Variants in DAB2IP observed in about 807,000 individuals in gnomAD.
DAB2IP encodes disabled homolog 2-interacting protein.
In DAB2IP, 28 loss-of-function variants were observed where a neutral mutation model predicts 107.2. The ratio of observed to expected loss-of-function variants is 0.26; its 90% CI spans 0.19 to 0.36. The LOEUF (loss-of-function observed/expected upper bound fraction) is 0.36. DAB2IP is among the 10% of genes least tolerant of loss of function. The pLI is 1.00. For synonymous variants in DAB2IP, 755 were observed against 706.4 expected (o/e 1.07, Z -1.09); for missense variants, 1,400 against 1,644.7 (o/e 0.85, Z 2.57).
chr9:121,580,248 G>A (rs1429686660), intron 1 of DAB2IP, among the ~76,000 whole-genome samples: 3 of 152,158 alleles, frequency 2.0e-5, no homozygotes, highest in African/African-American at 4.8e-5. Flanking sequence ...GGGGAAGCAC[G>A]CACCCAGGGA....
At chr9:121,694,139 G>A (rs1165557699) in intron 2 of DAB2IP, among the ~76,000 whole-genome samples, 3 of 152,168 alleles carry the variant, frequency 2.0e-5, no homozygotes, top group Non-Finnish European at 4.4e-5. Context: ...GGTCCTTGAG[G>A]CCTAGTACAG....
intron 3 of DAB2IP, among the ~76,000 whole-genome samples, chr9:121,711,520 T>G (rs1474188079): frequency 6.6e-6 from 1 of 152,214 alleles, no homozygotes; most frequent in Non-Finnish European, 1.5e-5. Flanking sequence ...GGAGCAGCTG[T>G]TAACATCTGT....
At chr9:121,716,624 C>T (rs1017128607) in intron 3 of DAB2IP, among the ~76,000 whole-genome samples, 4 of 152,178 alleles carry the variant, frequency 2.6e-5, no homozygotes, top group African/African-American at 9.6e-5. Context: ...TCCCAGCACC[C>T]CAGTGTGCTG....
intron 8 of DAB2IP, among the ~76,000 whole-genome samples, chr9:121,764,427 A>C (rs756312525): frequency 1.3e-5 from 2 of 152,264 alleles, no homozygotes; most frequent in African/African-American, 2.4e-5. Context: ...TGGGCTGCTT[A>C]GACAGGCCCC....
chr9:121,738,886 A>G (rs1332409178), intron 3 of DAB2IP, among the ~76,000 whole-genome samples: 1 of 152,236 alleles, frequency 6.6e-6, no homozygotes, highest in Non-Finnish European at 1.5e-5. Flanking sequence ...GCTTGGCCAC[A>G]CACAGCTTAC....
chr9:121,578,314 CCTCT>C (rs895598998), intron 1 of DAB2IP, among the ~76,000 whole-genome samples: 6 of 151,028 alleles, frequency 4.0e-5, no homozygotes, highest in African/African-American at 1.5e-4. Flanking sequence ...TGTATCTCTG[CCTCT>C]CTCTCTCTCT....
At chr9:121,784,310 G>T (rs1835856008) in exon 16 of DAB2IP, 1 of 153,570 alleles carries the variant, frequency 6.5e-6, no homozygotes, top group African/African-American at 2.4e-5. Context: ...CACAGGCAGG[G>T]CCTGGCTCCA....
chr9:121,783,152 C>T, exon 16 of DAB2IP: 1 of 1,087,628 alleles, frequency 9.2e-7, no homozygotes, highest in Non-Finnish European at 1.1e-6. Context: ...GAACCTGTCC[C>T]CAGAGCACCA....
intron 15 of DAB2IP, 100 bp downstream of exon 15, chr9:121,781,651 A>T: frequency 8.3e-7 from 1 of 1,210,970 alleles, no homozygotes; most frequent in Non-Finnish European, 1.2e-6. Context: ...CACTGCAGAC[A>T]CTGAGGGGAA....
intron 3 of DAB2IP, among the ~76,000 whole-genome samples, chr9:121,718,753 G>A (rs777014452): frequency 1.3e-5 from 2 of 152,232 alleles, no homozygotes; most frequent in Non-Finnish European, 2.9e-5. Flanking sequence ...AGTTAACCGG[G>A]ATTGTGTCAT....
chr9:121,749,641 G>A (rs867648840), intron 3 of DAB2IP, among the ~76,000 whole-genome samples: 15 of 152,346 alleles, frequency 9.8e-5, no homozygotes, highest in Middle Eastern at 6.8e-3. Context: ...AGGGGCTAAA[G>A]GGGCCTCCTC....
At chr9:121,590,063 C>G (rs987509965) in intron 1 of DAB2IP, among the ~76,000 whole-genome samples, 19 of 151,464 alleles carry the variant, frequency 1.3e-4, no homozygotes, top group Non-Finnish European at 2.6e-4. Context: ...GGATGTGTCC[C>G]CTCAGAACAG....
chr9:121,662,055 A>C lies in DAB2IP; in HGVS notation c.124+10156A>C, dbSNP rs1254176581. Reference sequence around the variant, plus strand: ...AATATCTATTACAGAACAGAAGAAAATAAAAATCACCTTTAATCCAGCACC... The same window carrying C: ...AATATCTATTACAGAACAGAAGAAACTAAAAATCACCTTTAATCCAGCACC... On this transcript the variant is annotated intron_variant, in intron 1 of 15. Transcript: ENST00000408936. The surrounding 1 kb of genome is among the most constrained non-coding windows in gnomAD (Gnocchi z 4.6). 6.6e-6 allele frequency among the ~76,000 whole-genome samples: 1 copy of C among 152,158 alleles called. No individual in the cohort carries two copies. The highest frequency in any genetic ancestry group is 1.5e-5 in the Non-Finnish European group (1 of 68,032).
At chr9:121,679,448 ACAC>A (rs1275103661) in intron 2 of DAB2IP, among the ~76,000 whole-genome samples, 19 of 151,338 alleles carry the variant, frequency 1.3e-4, no homozygotes, top group Non-Finnish European at 2.4e-4. Flanking sequence ...ACACACACAC[ACAC>A]ACCAGAGTTC....
exon 11 of DAB2IP, chr9:121,770,650 C>T (rs758323177): frequency 1.2e-6 from 2 of 1,614,066 alleles, no homozygotes; most frequent in East Asian, 2.2e-5. Context: ...ATGACCTGGC[C>T]TCCACACCGG....
intron 3 of DAB2IP, among the ~76,000 whole-genome samples, chr9:121,731,208 C>T (rs1430441044): frequency 2.0e-5 from 3 of 152,178 alleles, no homozygotes; most frequent in South Asian, 2.1e-4. Flanking sequence ...GAGGACAGAC[C>T]GGGTGTCTTG....
chr9:121,601,834 T>C (rs983230799), intron 1 of DAB2IP, among the ~76,000 whole-genome samples: 13 of 152,322 alleles, frequency 8.5e-5, no homozygotes, highest in African/African-American at 2.9e-4. Context: ...AGCATCTGTA[T>C]CTGTCTTTAG....
chr9:121,697,170 T>G (rs1829469013), intron 2 of DAB2IP, among the ~76,000 whole-genome samples: 1 of 152,134 alleles, frequency 6.6e-6, no homozygotes, highest in Non-Finnish European at 1.5e-5. Context: ...CACATGTGCA[T>G]CAAACCTCCT....
At chr9:121,669,283 C>T (rs1833579354) in intron 1 of DAB2IP, among the ~76,000 whole-genome samples, 1 of 152,126 alleles carries the variant, frequency 6.6e-6, no homozygotes, top group Non-Finnish European at 1.5e-5. Flanking sequence ...AATTGCAAAA[C>T]CAGTACAGAG....
Sources: allele counts gnomAD v4.1 joint callset (sites outside exome capture counted in the v4.1 genomes callset), GRCh38; gene constraint gnomAD v4.1.1; non-coding constraint Gnocchi (gnomAD v3.1); transcripts MANE v1.5; gene names NCBI Gene and HGNC (gene_info 2026-07-23, HGNC 2026-07-21).